Variants in CAMSAP1 observed in about 807,000 individuals in gnomAD.
CAMSAP1 encodes calmodulin regulated spectrin associated protein 1, also known as calmodulin-regulated spectrin-associated protein 1.
CAMSAP1 carries 58 observed loss-of-function variants against 143.5 expected under a neutral mutation model. The ratio of observed to expected loss-of-function variants is 0.40; its 90% CI spans 0.33 to 0.50. The LOEUF is 0.50. Ranked by LOEUF, CAMSAP1 falls within the 20% of genes least tolerant of loss-of-function variation. The pLI, the probability that CAMSAP1 is intolerant of heterozygous loss-of-function variation, is 0.45. For synonymous variants in CAMSAP1, 945 were observed against 859.3 expected (o/e 1.10, Z -1.74); for missense variants, 1,969 against 2,115.7 (o/e 0.93, Z 1.36).
At chr9:135,885,738 A>G (rs771641588) in intron 1 of CAMSAP1, among the ~76,000 whole-genome samples, 7 of 152,370 alleles carry the variant, frequency 4.6e-5, no homozygotes, top group Non-Finnish European at 8.8e-5. Flanking sequence ...AATATGCATA[A>G]CACAACTAAT....
intron 1 of CAMSAP1, among the ~76,000 whole-genome samples, chr9:135,891,142 G>A (rs1431376590): frequency 6.6e-6 from 1 of 152,136 alleles, no homozygotes; most frequent in Non-Finnish European, 1.5e-5. Flanking sequence ...GCTAGAGGAC[G>A]AGGAAAAGGG....
At chr9:135,852,550 T>C (rs1353765894) in intron 5 of CAMSAP1, among the ~76,000 whole-genome samples, 1 of 152,146 alleles carries the variant, frequency 6.6e-6, no homozygotes, top group Non-Finnish European at 1.5e-5. Context: ...CATAGAGATG[T>C]CTATGCCGCC....
chr9:135,831,245 G>A (rs1835849664), intron 7 of CAMSAP1, among the ~76,000 whole-genome samples: 3 of 152,146 alleles, frequency 2.0e-5, no homozygotes, highest in Non-Finnish European at 4.4e-5. Context: ...AGCTACCATT[G>A]AGTAAAAAAG....
In CAMSAP1 at chr9:135,818,504, G is replaced by C. The variant is rs776321189; in HGVS notation, c.4072C>G (p.Leu1358Val). ...KQQQILEEQG[L>V]GKPKSKPKKP... ...TTCGGCTTTGACTTGGGCTTGCCGA[G>C]CCCCTGCTCCTCTAGGATCTGCTGC... is the stretch of plus-strand genomic sequence containing the variant. The change falls in exon 13 of 17, where the codon CTC (leucine) becomes GTC (valine). Residue 1358 changes from leucine (L) to valine (V), a missense_variant. Physicochemically the swap from Leu to Val is conservative, Grantham distance 32. Coordinates refer to ENST00000389532, the MANE Select transcript of CAMSAP1 (RefSeq NM_015447.4). This position sits in a 1 kb window ranked among gnomAD's most constrained non-coding sequence, Gnocchi z 7.7. The C allele has an allele frequency of 6.2e-7, 1 of 1,611,308 alleles. No homozygotes were observed. Among genetic ancestry groups the C allele is most frequent in the East Asian group, 2.2e-5 (1 of 44,876 alleles).
intron 7 of CAMSAP1, among the ~76,000 whole-genome samples, chr9:135,834,915 C>A (rs963282054): frequency 6.6e-6 from 1 of 152,136 alleles, no homozygotes; most frequent in Non-Finnish European, 1.5e-5. Context: ...TCTTCCCTCG[C>A]GGTCACCAGG....
intron 16 of CAMSAP1, among the ~76,000 whole-genome samples, chr9:135,812,656 G>A (rs1000181532): frequency 6.6e-6 from 1 of 152,180 alleles, no homozygotes; most frequent in Non-Finnish European, 1.5e-5. Context: ...GAATTTTACG[G>A]TATGTGAATG....
chr9:135,864,133 GAACT>G (rs1208625924), intron 4 of CAMSAP1, among the ~76,000 whole-genome samples: 2 of 152,124 alleles, frequency 1.3e-5, no homozygotes, highest in Non-Finnish European at 2.9e-5. Flanking sequence ...TTAGGGTTAT[GAACT>G]ATCTAATAAA....
At position 135,822,528 on chromosome 9, in the gene CAMSAP1, G is replaced by T; in HGVS notation, c.2133C>A (p.Thr711=). The T allele has an allele frequency of 6.2e-7, 1 of 1,613,754 alleles. No homozygotes were observed. The highest frequency in any genetic ancestry group is 8.5e-7 in the Non-Finnish European group (1 of 1,179,858). ...FLHVGRADED[T]EGRLYVSCSK... ...AACAACTAACATATAACCTTCCCTC[G>T]GTGTCTTCATCGGCCCTGCCTACAT... The change falls in exon 11 of 17, where the codon ACC becomes ACA. Residue 711 remains threonine, a synonymous_variant. Transcript: ENST00000389532. The surrounding 1 kb of genome is among the most constrained non-coding windows in gnomAD (Gnocchi z 6.1).
At chr9:135,905,044 G>C (rs1400681826) in intron 1 of CAMSAP1, among the ~76,000 whole-genome samples, 1 of 152,050 alleles carries the variant, frequency 6.6e-6, no homozygotes, top group Non-Finnish European at 1.5e-5. Context: ...CACCAGTAAG[G>C]GGCACTCCAG....
Position 135,862,534 on chromosome 9 carries a change from G to A in CAMSAP1, c.741C>T (p.Asp247=), listed in dbSNP as rs879692925. Reference sequence around the variant, plus strand: ...CTAAGAGAGCAGCACCATCACTGCCGTCTCTCATCAAATCCTCCAACAACG... The same window carrying A: ...CTAAGAGAGCAGCACCATCACTGCCATCTCTCATCAAATCCTCCAACAACG... ...YFPLLEDLMR[D]GSDGAALLAV... The change falls in exon 5 of 17, where the codon GAC becomes GAT. Residue 247 remains aspartate, a synonymous_variant. Transcript: ENST00000389532. 3.6e-5 allele frequency: 56 copies of A among 1,551,506 alleles called. No homozygotes were observed. Among genetic ancestry groups the A allele is most frequent in the African/African-American group, 9.6e-5 (7 of 72,982 alleles).
intron 7 of CAMSAP1, among the ~76,000 whole-genome samples, chr9:135,835,735 T>C (rs1419468497): frequency 6.6e-6 from 1 of 152,214 alleles, no homozygotes; most frequent in Non-Finnish European, 1.5e-5. Flanking sequence ...GCCCAGCACT[T>C]TGGGAAGCCG....
chr9:135,859,317 G>T (rs73559449), intron 5 of CAMSAP1, among the ~76,000 whole-genome samples: 6,478 of 152,264 alleles, frequency 0.043, 442 homozygotes, highest in African/African-American at 0.14. Flanking sequence ...CTTACTAAAT[G>T]ATCTGCTTTA....
At chr9:135,828,602 C>A (rs367707658) in intron 7 of CAMSAP1, among the ~76,000 whole-genome samples, 1 of 152,216 alleles carries the variant, frequency 6.6e-6, no homozygotes, top group Non-Finnish European at 1.5e-5. Flanking sequence ...ATACAAACTT[C>A]TAGGCCTGGA....
At chr9:135,872,233 T>G (rs1837591853) in intron 3 of CAMSAP1, among the ~76,000 whole-genome samples, 1 of 152,204 alleles carries the variant, frequency 6.6e-6, no homozygotes. Context: ...TTTTAAATAC[T>G]TTAAAAGATA....
intron 1 of CAMSAP1, among the ~76,000 whole-genome samples, chr9:135,889,241 G>A (rs145818223): frequency 2.6e-5 from 4 of 152,304 alleles, no homozygotes; most frequent in East Asian, 1.9e-4. Context: ...CAGTCTCGAC[G>A]TAACTGGGTG....
intron 16 of CAMSAP1, among the ~76,000 whole-genome samples, chr9:135,813,409 A>AT (rs1295403733): frequency 6.6e-6 from 1 of 152,144 alleles, no homozygotes; most frequent in Middle Eastern, 3.2e-3. Flanking sequence ...AATAATACGT[A>AT]TTTTTTAAAA....
At chr9:135,875,028 C>A (rs116889310) in intron 3 of CAMSAP1, among the ~76,000 whole-genome samples, 1 of 152,034 alleles carries the variant, frequency 6.6e-6, no homozygotes, top group Non-Finnish European at 1.5e-5. Flanking sequence ...CTACACAGAA[C>A]GGAGAGAGAT....
intron 1 of CAMSAP1, among the ~76,000 whole-genome samples, chr9:135,895,480 C>T (rs1397789629): frequency 6.6e-6 from 1 of 152,070 alleles, no homozygotes; most frequent in Non-Finnish European, 1.5e-5. Flanking sequence ...CCATATCCAG[C>T]AAGACTATCC....
At chr9:135,891,279 G>A (rs550001514) in intron 1 of CAMSAP1, among the ~76,000 whole-genome samples, 14 of 152,352 alleles carry the variant, frequency 9.2e-5, no homozygotes, top group African/African-American at 2.2e-4. Context: ...GCCTAGGCAC[G>A]GGGTAAGGAA....
Sources: gnomAD v4.1 joint callset for allele counts (sites outside exome capture counted in the v4.1 genomes callset) on GRCh38, gnomAD v4.1.1 for gene constraint, Gnocchi (gnomAD v3.1) non-coding constraint, MANE v1.5 for transcripts, NCBI Gene and HGNC (gene_info 2026-07-23, HGNC 2026-07-21) for gene names.